Variants in CDH18 observed in about 807,000 individuals in gnomAD.
The protein encoded by CDH18 is cadherin-18.
A neutral mutation model predicts 67.9 loss-of-function variants in CDH18; 31 were observed. That is an observed-to-expected ratio of 0.46 (90% CI 0.34 to 0.62). The LOEUF (loss-of-function observed/expected upper bound fraction) is 0.62. Among genes scored for constraint, CDH18 ranks in the 20% least tolerant of loss-of-function variants. The pLI is 0.01. For missense variants in CDH18, 890 were observed against 975.5 expected, an observed-to-expected ratio of 0.91 and a Z score of 1.17; for synonymous variants, 362 against 347.2, an observed-to-expected ratio of 1.04 and a Z score of -0.48.
At position 19,569,571 on chromosome 5, in the gene CDH18, CTATG is replaced by C. The variant is rs548165865; in HGVS notation, c.1253+2004_1253+2007del. 2.1e-3 allele frequency among the ~76,000 whole-genome samples: 320 copies of C among 152,038 alleles called. 1 individual carries two copies. The highest frequency in any genetic ancestry group is 7.3e-3 in the African/African-American group (302 of 41,504). On this transcript the variant is annotated intron_variant, in intron 8 of 12. Coordinates refer to ENST00000382275, the MANE Select transcript of CDH18 (RefSeq NM_004934.5). The stretch of plus-strand genomic sequence containing the variant: ...TTCAAGATGCTGTGTGTATGTGTGT[CTATG>C]TGTGTGTGCACATGTATAATTCTTT...
At chr5:19,810,824 A>G (rs1481735110) in intron 3 of CDH18, among the ~76,000 whole-genome samples, 2 of 152,010 alleles carry the variant, frequency 1.3e-5, no homozygotes, top group South Asian at 4.1e-4. Flanking sequence ...GGAGTTCAAG[A>G]CTAGCCTGGC....
At chr5:20,555,330 G>T (rs971265643) in intron 1 of CDH18, among the ~76,000 whole-genome samples, 2 of 131,026 alleles carry the variant, frequency 1.5e-5, no homozygotes, top group Non-Finnish European at 3.2e-5. Flanking sequence ...ATTGTCTGTT[G>T]TTTAAGTCAC....
intron 1 of CDH18, among the ~76,000 whole-genome samples, chr5:20,312,841 C>T (rs913628384): frequency 2.6e-5 from 4 of 151,956 alleles, no homozygotes; most frequent in African/African-American, 9.7e-5. Context: ...ATAGTTTTTC[C>T]TGTTTCTAAA....
intron 3 of CDH18, among the ~76,000 whole-genome samples, chr5:19,777,780 C>G (rs190134886): frequency 6.6e-6 from 1 of 152,134 alleles, no homozygotes; most frequent in Non-Finnish European, 1.5e-5. Flanking sequence ...TTTCAGAATG[C>G]CTGGGTGCTT....
intron 1 of CDH18, among the ~76,000 whole-genome samples, chr5:20,522,300 C>A (rs777015376): frequency 4.6e-5 from 7 of 152,180 alleles, no homozygotes; most frequent in Non-Finnish European, 1.0e-4. Context: ...TACAGTACCC[C>A]TAGCAAACTA....
Position 20,112,237 on chromosome 5 carries a change from T to A in CDH18, c.-517-120223A>T, listed in dbSNP as rs189350656. On this transcript the variant is annotated intron_variant, in intron 2 of 14. Coordinates refer to the CDH18 transcript ENST00000507958. ...CCCCAAATAATCCACCCCAAGTCAG[T>A]ATTAGTTAATAATTATCCACTCCAA... is the stretch of plus-strand genomic sequence containing the variant. Among the ~76,000 whole-genome samples, 575 of 152,306 alleles carry A rather than the reference T, an allele frequency of 3.8e-3. 2 individuals are homozygous for A. The highest frequency in any genetic ancestry group is 7.0e-3 in the Admixed American group (107 of 15,298).
At chr5:19,725,902 T>A (rs937597684) in intron 4 of CDH18, among the ~76,000 whole-genome samples, 1 of 152,192 alleles carries the variant, frequency 6.6e-6, no homozygotes, top group African/African-American at 2.4e-5. Flanking sequence ...ATTAAAAAAC[T>A]AGGCTATAAA....
intron 3 of CDH18, among the ~76,000 whole-genome samples, chr5:19,786,837 C>A (rs1000060309): frequency 3.6e-4 from 54 of 151,972 alleles, no homozygotes; most frequent in Non-Finnish European, 7.4e-4. Flanking sequence ...GTGTGCTAGG[C>A]ATGGCTGGGG....
At chr5:20,447,936 G>A (rs1323695574) in intron 1 of CDH18, among the ~76,000 whole-genome samples, 1 of 151,162 alleles carries the variant, frequency 6.6e-6, no homozygotes, top group Non-Finnish European at 1.5e-5. Context: ...AAGTTCTAGG[G>A]TACATGTATA....
chr5:20,530,136 C>G (rs1318852106), intron 1 of CDH18, among the ~76,000 whole-genome samples: 1 of 151,912 alleles, frequency 6.6e-6, no homozygotes, highest in Admixed American at 6.6e-5. Context: ...CTCCCATTCA[C>G]AGTTGCCACA....
intron 1 of CDH18, among the ~76,000 whole-genome samples, chr5:20,572,913 G>A (rs988383385): frequency 6.6e-6 from 1 of 152,126 alleles, no homozygotes; most frequent in African/African-American, 2.4e-5. Flanking sequence ...TAAGCTGTTA[G>A]ATTTCAGACT....
intron 2 of CDH18, among the ~76,000 whole-genome samples, chr5:20,011,999 T>A (rs764496097): frequency 6.6e-6 from 1 of 152,086 alleles, no homozygotes; most frequent in Non-Finnish European, 1.5e-5. Flanking sequence ...TTTGGAATAG[T>A]TTCAGTAGGA....
chr5:19,853,274 C>T (rs1316682553), intron 2 of CDH18, among the ~76,000 whole-genome samples: 3 of 152,010 alleles, frequency 2.0e-5, no homozygotes, highest in African/African-American at 7.2e-5. Flanking sequence ...TGTATGTTCT[C>T]GGGCAGAGAC....
chr5:19,945,215 C>T (rs1795182432), intron 2 of CDH18, among the ~76,000 whole-genome samples: 1 of 152,110 alleles, frequency 6.6e-6, no homozygotes, highest in Non-Finnish European at 1.5e-5. Flanking sequence ...TGCTCCCTTC[C>T]ACCTCCAGGA....
At chr5:19,776,905 A>G (rs1774451125) in intron 3 of CDH18, among the ~76,000 whole-genome samples, 1 of 152,236 alleles carries the variant, frequency 6.6e-6, no homozygotes, top group African/African-American at 2.4e-5. Flanking sequence ...ACTCATCATT[A>G]TGTCCAGTAA....
At chr5:20,413,672 T>C (rs944606756) in intron 1 of CDH18, among the ~76,000 whole-genome samples, 1 of 152,228 alleles carries the variant, frequency 6.6e-6, no homozygotes, top group Non-Finnish European at 1.5e-5. Context: ...TGATTTTTTC[T>C]TGTAAATTTG....
chr5:20,194,643 T>G (rs930699473), intron 2 of CDH18, among the ~76,000 whole-genome samples: 2 of 132,230 alleles, frequency 1.5e-5, no homozygotes, highest in Non-Finnish European at 3.2e-5. Flanking sequence ...TATAACATTC[T>G]GAAACTTTGA....
intron 3 of CDH18, among the ~76,000 whole-genome samples, chr5:19,799,792 T>C (rs538983218): frequency 3.4e-4 from 52 of 152,276 alleles, no homozygotes; most frequent in African/African-American, 1.2e-3. Flanking sequence ...GCATTATCTT[T>C]TATGTGCTTG....
chr5:19,613,524 C>T (rs1420663810), intron 5 of CDH18, among the ~76,000 whole-genome samples: 1 of 152,116 alleles, frequency 6.6e-6, no homozygotes, highest in Admixed American at 6.6e-5. Flanking sequence ...TATAAATCAT[C>T]TGTAAAAAAT....
Sources: gnomAD v4.1 joint callset for allele counts (sites outside exome capture counted in the v4.1 genomes callset) on GRCh38, gnomAD v4.1.1 for gene constraint, MANE v1.5 for transcripts, NCBI Gene and HGNC (gene_info 2026-07-23, HGNC 2026-07-21) for gene names.